The following CDK5RAP1 variants were observed in gnomAD, a reference collection of about 807,000 sequenced individuals.
CDK5RAP1 encodes CDK5RAP1 mitochondrial tRNA methylthiotransferase.
A neutral mutation model predicts 64.5 loss-of-function variants in CDK5RAP1; 62 were observed. The observed-to-expected ratio is 0.96, with a 90% CI of 0.78 to 1.19. The LOEUF (loss-of-function observed/expected upper bound fraction) is 1.19, where lower values mean the gene tolerates loss of function less well. Ranked by LOEUF, CDK5RAP1 falls within the 50% of genes most tolerant of loss-of-function variation. The probability of loss-of-function intolerance (pLI) is 0.00; values close to 1 mark genes in which losing one functional copy is unlikely to be tolerated. For synonymous variants in CDK5RAP1, 250 were observed against 261.9 expected (o/e 0.95, Z 0.44); for missense variants, 657 against 735.0 (o/e 0.89, Z 1.23).
Position 33,372,700 on chromosome 20 carries a change from G to A in CDK5RAP1, c.1206-3C>T. The A allele has an allele frequency of 6.3e-7, 1 of 1,578,836 alleles. No homozygotes were observed. Among genetic ancestry groups the A allele is most frequent in the South Asian group, 1.1e-5 (1 of 87,324 alleles). The stretch of plus-strand genomic sequence containing the variant: ...CCACATAAGCTTCTCTTGAATATCT[G>A]CAATAAAGAACAAAAGGAAAAGGCC... On this transcript the variant is annotated splice_region_variant and splice_polypyrimidine_tract_variant and intron_variant, in intron 9 of 13. Transcript: ENST00000346416.
intron 8 of CDK5RAP1, among the ~76,000 whole-genome samples, chr20:33,378,748 C>T (rs1986350477): frequency 6.6e-6 from 1 of 152,088 alleles, no homozygotes; most frequent in African/African-American, 2.4e-5. Context: ...GATTTGAACC[C>T]GGGTCTGAGG....
chr20:33,387,957 T>G (rs1987669447), intron 5 of CDK5RAP1, among the ~76,000 whole-genome samples: 1 of 151,502 alleles, frequency 6.6e-6, no homozygotes, highest in Non-Finnish European at 1.5e-5. Flanking sequence ...TCCCAGCAAC[T>G]TGGGAGGCTG....
intron 8 of CDK5RAP1, among the ~76,000 whole-genome samples, chr20:33,376,223 G>A (rs1985976913): frequency 1.3e-5 from 2 of 152,078 alleles, no homozygotes; most frequent in Non-Finnish European, 2.9e-5. Flanking sequence ...TACTTGGGAG[G>A]CAAGGCAGGA....
chr20:33,394,215 A>G lies in CDK5RAP1; in HGVS notation c.409-149T>C, dbSNP rs953335076. ...CACTCTGTTTCCCAGGCTGGAGTGC[A>G]GTGGGGCAATCTCAGCTCACTGCAA... On this transcript the variant is annotated intron_variant, in intron 3 of 13. Transcript: ENST00000346416. The G allele has an allele frequency of 5.4e-6, 3 of 553,656 alleles. No individual in the cohort carries two copies. In the Admixed American group the frequency reaches 8.8e-5, roughly 16 times the overall value. The allele number at this position is 553,656 out of a possible 1,614,324, so 34.3% of individuals were successfully genotyped here.
Position 33,379,480 on chromosome 20 carries a change from G to A in CDK5RAP1, c.1088C>T (p.Pro363Leu), listed in dbSNP as rs1483533175. The A allele has an allele frequency of 3.1e-6, 5 of 1,612,262 alleles. No individual in the cohort carries two copies. Among genetic ancestry groups the A allele is most frequent in the African/African-American group, 1.3e-5 (1 of 74,884 alleles). ...GCTCACCTCATCAGGAAAATCCTTG[G>A]GGTGGGGAGAGGTAAAACGGATCCT... ...EMRIRFTSPH[P>L]KDFPDEVLQL... The change falls in exon 8 of 14, where the codon CCC (proline) becomes CTC (leucine). Residue 363 changes from proline (P) to leucine (L), a missense_variant. Pro to Leu is a moderately conservative substitution (Grantham distance 98). Coordinates refer to ENST00000346416, the MANE Select transcript of CDK5RAP1 (RefSeq NM_016408.4).
intron 5 of CDK5RAP1, among the ~76,000 whole-genome samples, chr20:33,389,099 G>A (rs1444247031): frequency 1.3e-5 from 2 of 152,072 alleles, no homozygotes; most frequent in African/African-American, 4.8e-5. Context: ...TCTGGGATGT[G>A]AGGAGCCCCT....
At chr20:33,388,442 GTC>G (rs1260523438) in intron 5 of CDK5RAP1, among the ~76,000 whole-genome samples, 2 of 151,968 alleles carry the variant, frequency 1.3e-5, no homozygotes, top group Non-Finnish European at 2.9e-5. Context: ...CAACCCAAGT[GTC>G]TATTAATGAA....
intron 5 of CDK5RAP1, among the ~76,000 whole-genome samples, chr20:33,388,655 C>G (rs959986976): frequency 6.6e-6 from 1 of 151,362 alleles, no homozygotes; most frequent in African/African-American, 2.4e-5. Flanking sequence ...TCTCTTTCCA[C>G]GGTCTCCCTC....
intron 12 of CDK5RAP1, among the ~76,000 whole-genome samples, chr20:33,365,354 C>T (rs1047046679): frequency 1.3e-5 from 2 of 151,906 alleles, no homozygotes; most frequent in African/African-American, 4.8e-5. Context: ...TCACTGCAAC[C>T]TCCGCCTCCC....
intron 10 of CDK5RAP1, 65 bp downstream of exon 10, chr20:33,372,577 A>T (rs1297627241): frequency 3.7e-6 from 3 of 800,716 alleles, no homozygotes; most frequent in Non-Finnish European, 5.7e-6. Context: ...TGTTGACTGT[A>T]TCTAACCACA....
At chr20:33,367,102 C>T in intron 11 of CDK5RAP1, 94 bp from the exon 12 acceptor site, 1 of 1,231,538 alleles carries the variant, frequency 8.1e-7, no homozygotes, top group Non-Finnish European at 1.1e-6. Context: ...TTCATTCTAC[C>T]TACAAGTAAC....
intron 1 of CDK5RAP1, among the ~76,000 whole-genome samples, chr20:33,401,020 GA>G (rs1346157245): frequency 6.6e-6 from 1 of 152,210 alleles, no homozygotes; most frequent in African/African-American, 2.4e-5. Context: ...CTGGAGGCTC[GA>G]AATTAATTCT....
At chr20:33,392,337 A>G (rs1485587180) in intron 4 of CDK5RAP1, 95 bp from the exon 5 acceptor site, 2 of 629,970 alleles carry the variant, frequency 3.2e-6, no homozygotes, top group Non-Finnish European at 5.3e-6. Flanking sequence ...AACCACCTTC[A>G]ACCCTTTAAA....
intron 8 of CDK5RAP1, among the ~76,000 whole-genome samples, chr20:33,377,797 C>A (rs1297823543): frequency 2.0e-5 from 3 of 152,130 alleles, no homozygotes; most frequent in African/African-American, 4.8e-5. Flanking sequence ...GATTACAGGT[C>A]TGCACAACCA....
chr20:33,389,681 C>T (rs1988064400), intron 5 of CDK5RAP1, among the ~76,000 whole-genome samples: 2 of 152,096 alleles, frequency 1.3e-5, no homozygotes, highest in South Asian at 2.1e-4. Flanking sequence ...CCCTTCTGCC[C>T]GGCCGCCACC....
chr20:33,382,602 AC>A (rs1986896818), intron 7 of CDK5RAP1, among the ~76,000 whole-genome samples: 2 of 152,068 alleles, frequency 1.3e-5, no homozygotes, highest in African/African-American at 4.8e-5. Flanking sequence ...AATCACATGA[AC>A]CCAGGAGGTG....
At chr20:33,384,708 C>G (rs1268611257) in intron 7 of CDK5RAP1, among the ~76,000 whole-genome samples, 1 of 152,090 alleles carries the variant, frequency 6.6e-6, no homozygotes. Flanking sequence ...TCTAGACCAG[C>G]CTGGGCAGCA....
intron 12 of CDK5RAP1, among the ~76,000 whole-genome samples, chr20:33,366,621 AAAG>A (rs1373660214): frequency 1.3e-5 from 2 of 152,226 alleles, no homozygotes; most frequent in Non-Finnish European, 2.9e-5. Context: ...CAAAAAAAGA[AAAG>A]AAATACTTAG....
At chr20:33,359,965 A>C (rs1208351726) in intron 13 of CDK5RAP1, 6 of 173,140 alleles carry the variant, frequency 3.5e-5, no homozygotes, top group Non-Finnish European at 4.9e-5. Flanking sequence ...GACCCAAGAA[A>C]CTCGAGCACA....
Sources: gnomAD v4.1 joint callset for allele counts (sites outside exome capture counted in the v4.1 genomes callset) on GRCh38, gnomAD v4.1.1 for gene constraint, MANE v1.5 for transcripts, NCBI Gene and HGNC (gene_info 2026-07-23, HGNC 2026-07-21) for gene names.